Variants in RIPK1 observed in about 807,000 individuals in gnomAD.
The protein encoded by RIPK1 is receptor-interacting serine/threonine-protein kinase 1.
RIPK1 carries 27 observed loss-of-function variants against 62.4 expected under a neutral mutation model. That is an observed-to-expected ratio of 0.43 (90% CI 0.32 to 0.60). The LOEUF is 0.60. Among genes scored for constraint, RIPK1 ranks in the 20% least tolerant of loss-of-function variants. The probability of loss-of-function intolerance (pLI) is 0.07; values close to 1 mark genes in which losing one functional copy is unlikely to be tolerated. For synonymous variants in RIPK1, 287 were observed against 303.2 expected (o/e 0.95, Z 0.55); for missense variants, 735 against 831.0 (o/e 0.88, Z 1.42).
chr6:3,080,881 TCTC>T, intron 3 of RIPK1, 95 bp from the exon 4 acceptor site: 1 of 1,183,022 alleles, frequency 8.5e-7, no homozygotes, highest in Non-Finnish European at 1.2e-6. Context: ...CTGGTAACCT[TCTC>T]CTCAGGCTCA....
intron 7 of RIPK1, among the ~76,000 whole-genome samples, chr6:3,099,066 T>G (rs1365084664): frequency 6.6e-6 from 1 of 152,230 alleles, no homozygotes; most frequent in Non-Finnish European, 1.5e-5. Flanking sequence ...GGCCCATCAC[T>G]GTGTCTACCA....
chr6:3,088,399 C>T (rs1759844316), intron 6 of RIPK1, among the ~76,000 whole-genome samples: 1 of 152,244 alleles, frequency 6.6e-6, no homozygotes, highest in African/African-American at 2.4e-5. Context: ...TCCACTAGAC[C>T]TCCTCTGACA....
chr6:3,097,581 A>G (rs1329487773), intron 7 of RIPK1, among the ~76,000 whole-genome samples: 1 of 152,214 alleles, frequency 6.6e-6, no homozygotes, highest in African/African-American at 2.4e-5. Flanking sequence ...CACCATACCA[A>G]AAAATCAGCT....
In RIPK1 at chr6:3,077,830, C is replaced by T; in HGVS notation, c.216C>T (p.His72=). Residue 72 remains histidine (H), a synonymous_variant, in exon 3 of 11, where the codon CAC becomes CAT. Transcript: ENST00000259808. ...EEAKMMNRLR[H]SRVVKLLGVI... The stretch of plus-strand genomic sequence containing the variant: ...CGAAGATGATGAACAGACTGAGACA[C>T]AGCCGGGTGGTGAAGCTCCTGGGCG... 6.2e-7 allele frequency: 1 copy of T among 1,614,214 alleles called. No individual in the cohort carries two copies. The highest frequency in any genetic ancestry group is 8.5e-7 in the Non-Finnish European group (1 of 1,180,030).
chr6:3,100,991 T>C (rs1360204186), intron 7 of RIPK1, among the ~76,000 whole-genome samples: 1 of 152,154 alleles, frequency 6.6e-6, no homozygotes, highest in Non-Finnish European at 1.5e-5. Context: ...ATAACAAAAA[T>C]ACTTTTCATA....
At chr6:3,080,900 C>CA (rs1454910574) in intron 3 of RIPK1, 79 bp from the exon 4 acceptor site, 1 of 1,438,602 alleles carries the variant, frequency 7.0e-7, no homozygotes, top group African/African-American at 1.4e-5. Flanking sequence ...GCTCAGATCC[C>CA]ACCACCCTTT....
Position 3,105,805 on chromosome 6 carries a change from A to T in RIPK1, c.1330A>T (p.Ser444Cys), listed in dbSNP as rs761091673. The stretch of plus-strand genomic sequence containing the variant: ...AGGCACTGCTTATTCCAGTGCAGCC[A>T]GTCATGGTAATGCAGTGCACCAGCC... ...GKGTAYSSAA[S>C]HGNAVHQPSG... Residue 444 changes from serine (S) to cysteine (C), a missense_variant, in exon 9 of 11, where the codon AGT becomes TGT. By Grantham distance (112) the Ser-to-Cys change is moderately radical (BLOSUM62 -1). Transcript: ENST00000259808. The surrounding 1 kb of genome is among the most constrained non-coding windows in gnomAD (Gnocchi z 4.5). 1.9e-6 allele frequency: 3 copies of T among 1,614,092 alleles called. No homozygotes were observed. The highest frequency in any genetic ancestry group is 2.7e-5 in the African/African-American group (2 of 74,936).
At chr6:3,067,338 T>C (rs977907581), upstream of RIPK1, among the ~76,000 whole-genome samples, 22 of 152,186 alleles carry the variant, frequency 1.4e-4, no homozygotes, top group African/African-American at 4.8e-4. Flanking sequence ...TTCCAGACTC[T>C]AACATTAGGC....
intron 1 of RIPK1, among the ~76,000 whole-genome samples, chr6:3,073,890 A>G (rs1348745048): frequency 1.3e-5 from 2 of 152,242 alleles, no homozygotes; most frequent in Non-Finnish European, 2.9e-5. Context: ...CACCACGACT[A>G]TCGTCTTAAC....
chr6:3,081,535 G>A (rs116093862), intron 4 of RIPK1, among the ~76,000 whole-genome samples: 2 of 152,198 alleles, frequency 1.3e-5, no homozygotes, highest in African/African-American at 2.4e-5. Flanking sequence ...AGGTGTGTGC[G>A]GAAAATCCTT....
rs372342373 is a variant in RIPK1 at position 3,083,180 on chromosome 6, G to C, written c.555G>C (p.Lys185Asn). ...GGGAAGTGGACGGCACCGCTAAGAA[G>C]AATGGCGGCACCCTCTACTACATGG... ...ELREVDGTAK[K>N]NGGTLYYMAP... Residue 185 changes from lysine to asparagine, a missense_variant, in exon 5 of 11, where the codon AAG becomes AAC. Around this residue, in one of 2 missense-constraint regions of RIPK1, gnomAD observed 671 missense variants for 726.2 expected, o/e 0.92. Coordinates refer to ENST00000259808, the MANE Select transcript of RIPK1 (RefSeq NM_001354930.2). 19 of 1,613,950 alleles carry C rather than the reference G, an allele frequency of 1.2e-5. No individual in the cohort carries two copies. In the African/African-American group the frequency reaches 1.5e-4, roughly 12 times the overall value.
chr6:3,109,866 T>C (rs1158462838), intron 9 of RIPK1, among the ~76,000 whole-genome samples: 1 of 152,208 alleles, frequency 6.6e-6, no homozygotes, highest in African/African-American at 2.4e-5. Flanking sequence ...AGGTACCTCA[T>C]GTGAGTGGAA....
intron 7 of RIPK1, among the ~76,000 whole-genome samples, chr6:3,102,228 C>T (rs992332698): frequency 2.6e-4 from 40 of 152,276 alleles, no homozygotes; most frequent in African/African-American, 8.9e-4. Context: ...TTTTGAGTGC[C>T]AGCATGATGC....
At position 3,077,891 on chromosome 6, in the gene RIPK1, G is replaced by A; in HGVS notation, c.277G>A (p.Glu93Lys). Residue 93 changes from glutamate to lysine, a missense_variant, in exon 3 of 11, where the codon GAG becomes AAG. Transcript: ENST00000259808. ...IEEGKYSLVM[E>K]YMEKGNLMHV... ...GGAAGGGAAGTACTCCCTGGTGATG[G>A]AGTACATGGAGAAGGGCAACCTGAT... 1 of 1,614,200 alleles carries A rather than the reference G, an allele frequency of 6.2e-7. No homozygotes were observed. The highest frequency in any genetic ancestry group is 1.1e-5 in the South Asian group (1 of 91,082).
chr6:3,104,134 C>A (rs533310016), intron 7 of RIPK1, 91 bp from the exon 8 acceptor site: 8 of 598,740 alleles, frequency 1.3e-5, no homozygotes, highest in African/African-American at 9.4e-5. Context: ...AAATTTCTAC[C>A]TTCTGAAAAT....
rs183982475 is a variant in RIPK1 at position 3,072,903 on chromosome 6, C to T, written c.-60-3861C>T. 7.3e-5 allele frequency among the ~76,000 whole-genome samples: 11 copies of T among 151,532 alleles called. No individual in the cohort carries two copies. The East Asian group carries it at 2.1e-3, about 29-fold the overall frequency. On this transcript the variant is annotated intron_variant, in intron 1 of 10. Transcript: ENST00000259808. The surrounding 1 kb of genome is among the most constrained non-coding windows in gnomAD (Gnocchi z 5.6). ...TAAAATCAATGTTATCTTTTATGCC[C>T]TCTGTCTCCACCCGCTCCTACCTCA...
chr6:3,081,870 A>T lies in RIPK1; in HGVS notation c.459+754A>T, dbSNP rs1214096082. 3.6e-3 allele frequency among the ~76,000 whole-genome samples: 51 copies of T among 14,148 alleles called. 2 individuals are homozygous for T. The highest frequency in any genetic ancestry group is 0.012 in the African/African-American group (44 of 3,602). The allele number at this position is 14,148 out of a possible 152,430, so 9.3% of individuals were successfully genotyped here. A position where few individuals can be genotyped will look rare whatever the true frequency, so the allele number is the denominator to read the frequency against. ...AGCGAAACTCTGCCTTAAAAAAAAA[A>T]AAAAAAAAAAAAAAAAAAAAAAAAA... On this transcript the variant is annotated intron_variant, in intron 4 of 10. Coordinates refer to ENST00000259808, the MANE Select transcript of RIPK1 (RefSeq NM_001354930.2).
rs1469744622 is a variant in RIPK1, at chr6:3,083,307, T to C, written c.682T>C (p.Tyr228His). 3.1e-6 allele frequency: 5 copies of C among 1,611,978 alleles called. No individual in the cohort carries two copies. Among genetic ancestry groups the C allele is most frequent in the Non-Finnish European group, 4.2e-6 (5 of 1,179,750 alleles). The change falls in exon 5 of 11, where the codon TAT becomes CAT. Residue 228 changes from tyrosine (Y) to histidine (H), a missense_variant. By Grantham distance (83) the Tyr-to-His change is moderately conservative. This residue lies in a region of RIPK1 where 671 missense variants were observed against 726.2 expected (regional missense o/e 0.92). Coordinates refer to ENST00000259808, the MANE Select transcript of RIPK1 (RefSeq NM_001354930.2). ...GGCGATATTTGCAAATAAGGAGCCA[T>C]ATGAAAGTAAGGCATTACTTACTTT... Reference protein sequence around the residue: ...LWAIFANKEPYENAICEQQLI... With the variant: ...LWAIFANKEPHENAICEQQLI...
Position 3,081,074 on chromosome 6 carries a change from G to A in RIPK1, c.417G>A (p.Leu139=). 1 of 1,614,234 alleles carries A rather than the reference G, an allele frequency of 6.2e-7. No individual in the cohort carries two copies. Among genetic ancestry groups the A allele is most frequent in the Non-Finnish European group, 8.5e-7 (1 of 1,180,024 alleles). Residue 139 remains leucine (L), a synonymous_variant, in exon 4 of 11, where the codon CTG becomes CTA. Transcript: ENST00000259808. ...GAAAAGGCGTGATACACAAGGACCT[G>A]AAGCCTGAAAATATCCTTGTTGATA... The part of the protein sequence containing the change: ...LHGKGVIHKD[L]KPENILVDND...
Sources: allele counts gnomAD v4.1 joint callset (sites outside exome capture counted in the v4.1 genomes callset), GRCh38; gene constraint gnomAD v4.1.1; regional missense constraint gnomAD v4.1.1; non-coding constraint Gnocchi (gnomAD v3.1); transcripts MANE v1.5; gene names NCBI Gene and HGNC (gene_info 2026-07-23, HGNC 2026-07-21).